The following DLG2 variants were observed in gnomAD, a reference collection of about 807,000 sequenced individuals.
DLG2 encodes the protein discs large MAGUK scaffold protein 2, also known as disks large homolog 2.
In DLG2, 45 loss-of-function variants were observed where a neutral mutation model predicts 132.5. The ratio of observed to expected loss-of-function variants is 0.34; its 90% CI spans 0.27 to 0.44. DLG2 has a LOEUF of 0.44. Among genes scored for constraint, DLG2 ranks in the 20% least tolerant of loss-of-function variants. DLG2 has a pLI of 1.00. For synonymous variants in DLG2, 424 were observed against 419.6 expected, an observed-to-expected ratio of 1.01 and a Z score of -0.13; for missense variants, 1,045 against 1,196.9, an observed-to-expected ratio of 0.87 and a Z score of 1.87.
intron 4 of DLG2, among the ~76,000 whole-genome samples, chr11:85,256,618 A>T (rs2076678565): frequency 6.6e-6 from 1 of 151,812 alleles, no homozygotes; most frequent in South Asian, 2.1e-4. Context: ...CAAAATGCTC[A>T]CCCTAGCTCC....
intron 5 of DLG2, among the ~76,000 whole-genome samples, chr11:85,142,390 C>T (rs1191878454): frequency 6.6e-6 from 1 of 151,478 alleles, no homozygotes; most frequent in Non-Finnish European, 1.5e-5. Context: ...AATGCTAATA[C>T]TTTTTGTATG....
At chr11:83,628,891 AAAG>A (rs2063085748) in intron 19 of DLG2, among the ~76,000 whole-genome samples, 1 of 152,200 alleles carries the variant, frequency 6.6e-6, no homozygotes, top group African/African-American at 2.4e-5. Flanking sequence ...CATTTTTTAA[AAAG>A]GAGAGAAACA....
intron 4 of DLG2, among the ~76,000 whole-genome samples, chr11:85,256,658 C>T (rs1417987379): frequency 2.0e-5 from 3 of 152,142 alleles, no homozygotes; most frequent in African/African-American, 4.8e-5. Flanking sequence ...GCTCCTCCTC[C>T]TGTAAGGGGG....
At chr11:84,429,884 A>G (rs1310729792) in intron 7 of DLG2, among the ~76,000 whole-genome samples, 1 of 152,236 alleles carries the variant, frequency 6.6e-6, no homozygotes, top group Non-Finnish European at 1.5e-5. Flanking sequence ...AAAGTTTTGT[A>G]AACTAGACTG....
intron 4 of DLG2, among the ~76,000 whole-genome samples, chr11:85,281,114 G>T (rs1565261918): frequency 6.6e-6 from 1 of 152,022 alleles, no homozygotes; most frequent in African/African-American, 2.4e-5. Context: ...TGCTGAGGAA[G>T]TAAGAAGACA....
At chr11:85,301,843 T>C (rs1381513121) in intron 3 of DLG2, among the ~76,000 whole-genome samples, 2 of 152,180 alleles carry the variant, frequency 1.3e-5, no homozygotes, top group African/African-American at 2.4e-5. Flanking sequence ...ATTTCTCTAG[T>C]TGAAAAAGTT....
intron 7 of DLG2, among the ~76,000 whole-genome samples, chr11:84,355,148 A>C (rs2098603615): frequency 6.6e-6 from 1 of 152,076 alleles, no homozygotes; most frequent in African/African-American, 2.4e-5. Flanking sequence ...GCAACAGAGA[A>C]CCTGTGAATG....
At chr11:83,918,265 G>A (rs2077254415) in intron 15 of DLG2, among the ~76,000 whole-genome samples, 1 of 152,166 alleles carries the variant, frequency 6.6e-6, no homozygotes, top group Non-Finnish European at 1.5e-5. Context: ...ACTCAGGAGA[G>A]ACAACTAGCA....
intron 16 of DLG2, among the ~76,000 whole-genome samples, chr11:83,847,077 G>A (rs2058775452): frequency 6.6e-6 from 1 of 151,764 alleles, no homozygotes; most frequent in Admixed American, 6.6e-5. Context: ...GCATTTTGAA[G>A]TTTTAAAGAT....
intron 21 of DLG2, among the ~76,000 whole-genome samples, chr11:83,518,576 T>C (rs2095375843): frequency 6.6e-6 from 1 of 152,186 alleles, no homozygotes; most frequent in East Asian, 1.9e-4. Flanking sequence ...ATGAACCCAG[T>C]ACCTCAGTTG....
At chr11:83,998,825 C>A (rs964320911) in intron 11 of DLG2, among the ~76,000 whole-genome samples, 2 of 152,284 alleles carry the variant, frequency 1.3e-5, no homozygotes, top group Middle Eastern at 3.4e-3. Context: ...AGTGCCAGGG[C>A]TAAGGTGCAA....
At chr11:84,910,205 G>A (rs886970879) in intron 6 of DLG2, among the ~76,000 whole-genome samples, 6 of 152,158 alleles carry the variant, frequency 3.9e-5, no homozygotes, top group African/African-American at 1.4e-4. Context: ...CCCTCCTTCA[G>A]CCTCTACTGC....
At chr11:85,207,299 GC>G (rs995571586) in intron 4 of DLG2, among the ~76,000 whole-genome samples, 8 of 152,132 alleles carry the variant, frequency 5.3e-5, no homozygotes, top group African/African-American at 1.9e-4. Context: ...CAATTGTGAA[GC>G]AAAAGCCCTA....
In DLG2 at chr11:83,790,359, G is replaced by A; in HGVS notation, c.1723-3567C>T. On this transcript the variant is annotated intron_variant, in intron 17 of 27. Transcript: ENST00000376104. ...CAGTCTTCAGAACTGTCCCAATCAA[G>A]GAAAGAACCATCTGGCAGGACTGCT... is the stretch of plus-strand genomic sequence containing the variant. The A allele has an allele frequency of 1.0e-5, 9 of 886,422 alleles. No homozygotes were observed. In the South Asian group the frequency reaches 1.0e-4, roughly 10 times the overall value. 54.9% of individuals were successfully genotyped at this position (886,422 alleles called of 1,614,324 possible). A position where few individuals can be genotyped will look rare whatever the true frequency, so the allele number is the denominator to read the frequency against.
chr11:84,892,138 G>C (rs1027980614), intron 6 of DLG2, among the ~76,000 whole-genome samples: 1 of 152,182 alleles, frequency 6.6e-6, no homozygotes, highest in Non-Finnish European at 1.5e-5. Context: ...CTTGGCTAAT[G>C]AGAAAGGGAC....
intron 6 of DLG2, among the ~76,000 whole-genome samples, chr11:85,042,633 C>A (rs76095355): frequency 6.6e-6 from 1 of 151,890 alleles, no homozygotes; most frequent in Admixed American, 6.6e-5. Flanking sequence ...AAGGTACTTA[C>A]AAGTAGTAGC....
At chr11:85,201,469 T>A (rs1027277165) in intron 4 of DLG2, among the ~76,000 whole-genome samples, 1 of 151,732 alleles carries the variant, frequency 6.6e-6, no homozygotes, top group Non-Finnish European at 1.5e-5. Context: ...GACTTAGGTG[T>A]TCCCCAGGTC....
At chr11:85,418,810 T>G (rs1449472099) in intron 3 of DLG2, among the ~76,000 whole-genome samples, 4 of 152,214 alleles carry the variant, frequency 2.6e-5, no homozygotes, top group Non-Finnish European at 5.9e-5. Context: ...CCCTTTATTT[T>G]GAGCCTGTGT....
chr11:84,365,492 T>C (rs1333930553), intron 7 of DLG2, among the ~76,000 whole-genome samples: 1 of 152,136 alleles, frequency 6.6e-6, no homozygotes, highest in Non-Finnish European at 1.5e-5. Context: ...TTTGAAGGGT[T>C]TTTTATGTCT....
Sources: allele counts gnomAD v4.1 joint callset (sites outside exome capture counted in the v4.1 genomes callset), GRCh38; gene constraint gnomAD v4.1.1; transcripts MANE v1.5; gene names NCBI Gene and HGNC (gene_info 2026-07-23, HGNC 2026-07-21).